Variants in SHANK2 observed in about 807,000 individuals in gnomAD.
SHANK2 encodes SH3 and multiple ankyrin repeat domains 2.
Under a neutral mutation model 133.7 loss-of-function variants are expected in SHANK2, and 43 were observed. That is an observed-to-expected ratio of 0.32 (90% CI 0.25 to 0.41). The LOEUF is 0.41. Among genes scored for constraint, SHANK2 ranks in the 10% least tolerant of loss-of-function variants. The probability of loss-of-function intolerance (pLI) is 1.00; values close to 1 mark genes in which losing one functional copy is unlikely to be tolerated. For synonymous variants in SHANK2, 1,017 were observed against 952.8 expected (o/e 1.07, Z -1.24); for missense variants, 1,994 against 2,235.8 (o/e 0.89, Z 2.18).
intron 2 of SHANK2, among the ~76,000 whole-genome samples, chr11:71,200,217 T>C (rs80133198): frequency 0.031 from 4,651 of 152,268 alleles, 107 homozygotes; most frequent in African/African-American, 0.062. Flanking sequence ...AGTCACATCA[T>C]ACGTGGCCTC....
intron 9 of SHANK2, among the ~76,000 whole-genome samples, chr11:71,063,405 G>A (rs1951011571): frequency 6.6e-6 from 1 of 152,208 alleles, no homozygotes; most frequent in Non-Finnish European, 1.5e-5. Context: ...CTCCATGTAT[G>A]TATGCATATC....
intron 9 of SHANK2, among the ~76,000 whole-genome samples, chr11:71,066,036 T>G: frequency 5.3e-5 from 2 of 38,040 alleles, no homozygotes; most frequent in Non-Finnish European, 9.9e-5. Flanking sequence ...GTGGGGAAGT[T>G]GGGGGAGGGT....
At chr11:70,532,254 C>T (rs782311601) in intron 17 of SHANK2, among the ~76,000 whole-genome samples, 15 of 152,202 alleles carry the variant, frequency 9.9e-5, no homozygotes, top group East Asian at 9.7e-4. Context: ...AATGTGTTTC[C>T]GGGTGTCAGC....
In SHANK2 at chr11:70,711,175, G is replaced by A. The variant is rs546085938; in HGVS notation, c.1778-12412C>T. 4.6e-5 allele frequency among the ~76,000 whole-genome samples: 7 copies of A among 152,288 alleles called. No homozygotes were observed. In the East Asian group the frequency reaches 5.8e-4, roughly 13 times the overall value. ...GCGGGGTGGGGTCCCCAGGACTTCC[G>A]TGTCATCCTGGTTGTGATTGCTGAG... On this transcript the variant is annotated intron_variant, in intron 14 of 25. Transcript: ENST00000601538.
intron 6 of SHANK2, among the ~76,000 whole-genome samples, chr11:71,099,819 A>G (rs1348134613): frequency 3.9e-5 from 6 of 152,156 alleles, no homozygotes; most frequent in African/African-American, 1.2e-4. Context: ...TTGGGAGCCA[A>G]GGTAGGAGGA....
At chr11:70,566,243 T>G (rs534955240) in intron 17 of SHANK2, 16 of 152,268 alleles carry the variant, frequency 1.1e-4, no homozygotes, top group African/African-American at 3.9e-4. Context: ...AAGATGAGAT[T>G]TGGGTGGGGA....
rs575840629 is a variant in SHANK2, at chr11:70,491,262, CCT to C, written c.2440-877_2440-876del. On this transcript the variant is annotated intron_variant, in intron 22 of 25. Transcript: ENST00000601538. ...AGATGCAGTTTCCATGTGTCCACAG[CCT>C]CTGTTTGTCTCACTCTATGGCCCTG... Among the ~76,000 whole-genome samples the C allele has an allele frequency of 1.1e-3, 170 of 152,344 alleles. 1 individual carries two copies. The highest frequency in any genetic ancestry group is 3.7e-3 in the African/African-American group (153 of 41,580).
intron 10 of SHANK2, among the ~76,000 whole-genome samples, chr11:70,926,636 C>T (rs528176347): frequency 6.6e-6 from 1 of 152,250 alleles, no homozygotes; most frequent in Non-Finnish European, 1.5e-5. Context: ...TTTCAAAAAC[C>T]ATAGCACTAA....
intron 10 of SHANK2, among the ~76,000 whole-genome samples, chr11:70,940,201 G>C (rs12798218): frequency 3.4e-3 from 19 of 5,604 alleles, no homozygotes; most frequent in African/African-American, 0.017. Flanking sequence ...CTTCCTTCCT[G>C]CCTTCCTCCT....
intron 17 of SHANK2, among the ~76,000 whole-genome samples, chr11:70,623,606 AG>A (rs1306355603): frequency 6.6e-6 from 1 of 152,226 alleles, no homozygotes; most frequent in Non-Finnish European, 1.5e-5. Context: ...TTCATTTCCC[AG>A]ATGGAAGGTG....
chr11:70,840,019 C>T (rs1038947386), intron 11 of SHANK2, among the ~76,000 whole-genome samples: 12 of 152,192 alleles, frequency 7.9e-5, no homozygotes, highest in Non-Finnish European at 1.3e-4. Context: ...TGGGCTCGGC[C>T]GGCCAGCAGC....
rs1197008603 is a variant in SHANK2, at chr11:70,634,078, C to T, written c.2061+25750G>A. ...GACTGGAGACCTGGGGACATATCTA[C>T]CAAGTGCCACGTGGGTCCTGGGTCA... On this transcript the variant is annotated intron_variant, in intron 17 of 25. Coordinates refer to ENST00000601538, the MANE Select transcript of SHANK2 (RefSeq NM_012309.5). 3.3e-5 allele frequency: 5 copies of T among 152,116 alleles called. No homozygotes were observed. The East Asian group carries it at 9.6e-4, about 29-fold the overall frequency. 9.4% of individuals were successfully genotyped at this position (152,116 alleles called of 1,614,324 possible).
chr11:70,632,727 C>T (rs1264873207), intron 17 of SHANK2, among the ~76,000 whole-genome samples: 2 of 152,106 alleles, frequency 1.3e-5, no homozygotes, highest in Non-Finnish European at 2.9e-5. Flanking sequence ...GGCCAGCCAA[C>T]CAGAAAAGGG....
chr11:70,754,444 T>C (rs1289352037), intron 14 of SHANK2, among the ~76,000 whole-genome samples: 1 of 152,210 alleles, frequency 6.6e-6, no homozygotes, highest in East Asian at 1.9e-4. Flanking sequence ...GCAAGGCTGG[T>C]TCAATATTTG....
intron 9 of SHANK2, among the ~76,000 whole-genome samples, chr11:71,072,751 G>A (rs908299829): frequency 2.6e-5 from 4 of 152,274 alleles, no homozygotes; most frequent in African/African-American, 9.6e-5. Flanking sequence ...AGCCTACAGC[G>A]TGGACAAACC....
intron 11 of SHANK2, among the ~76,000 whole-genome samples, chr11:70,847,448 G>C (rs1402679914): frequency 6.6e-6 from 1 of 152,170 alleles, no homozygotes; most frequent in Non-Finnish European, 1.5e-5. Context: ...GTCAATCCCA[G>C]GATCTGCTGT....
At chr11:70,673,434 G>T (rs557756535) in intron 15 of SHANK2, among the ~76,000 whole-genome samples, 1 of 152,160 alleles carries the variant, frequency 6.6e-6, no homozygotes, top group Admixed American at 6.5e-5. Flanking sequence ...CTCAAAGCTC[G>T]CCCACAAAGA....
At chr11:70,878,316 T>C (rs1949602818) in intron 11 of SHANK2, among the ~76,000 whole-genome samples, 1 of 152,212 alleles carries the variant, frequency 6.6e-6, no homozygotes, top group Non-Finnish European at 1.5e-5. Context: ...CGACAAGGTC[T>C]AGACCCTAAC....
chr11:70,950,832 G>C (rs1950823787), intron 10 of SHANK2, among the ~76,000 whole-genome samples: 1 of 151,874 alleles, frequency 6.6e-6, no homozygotes. Flanking sequence ...GTTTTGTTAT[G>C]TTTTGTTTTG....
Sources: allele counts gnomAD v4.1 joint callset (sites outside exome capture counted in the v4.1 genomes callset), GRCh38; gene constraint gnomAD v4.1.1; transcripts MANE v1.5; gene names NCBI Gene and HGNC (gene_info 2026-07-23, HGNC 2026-07-21).